OSBPL9: variants seen among roughly 807,000 people sequenced by gnomAD.
OSBPL9 encodes the protein oxysterol binding protein like 9.
Under a neutral mutation model 106.6 loss-of-function variants are expected in OSBPL9, and 40 were observed. That is an observed-to-expected ratio of 0.38 (90% CI 0.29 to 0.49). The LOEUF is 0.49. OSBPL9 is among the 20% of genes least tolerant of loss of function. The probability of loss-of-function intolerance (pLI) is 0.97; values close to 1 mark genes in which losing one functional copy is unlikely to be tolerated. For synonymous variants in OSBPL9, 269 were observed against 295.4 expected, an observed-to-expected ratio of 0.91 and a Z score of 0.92; for missense variants, 609 against 887.2, an observed-to-expected ratio of 0.69 and a Z score of 3.98.
intron 2 of OSBPL9, among the ~76,000 whole-genome samples, chr1:51,604,393 T>C (rs773876946): frequency 6.6e-6 from 1 of 151,844 alleles, no homozygotes; most frequent in South Asian, 2.1e-4. Context: ...CCGTCTCTAC[T>C]AAAAATACAA....
At position 51,787,507 on chromosome 1, in the gene OSBPL9, C is replaced by T; in HGVS notation, c.2136+19C>T. The T allele has an allele frequency of 6.2e-7, 1 of 1,613,654 alleles. No individual in the cohort carries two copies. Among genetic ancestry groups the T allele is most frequent in the South Asian group, 1.1e-5 (1 of 91,048 alleles). ...GACAAGGGTAAGCTTGCCTGCCCCA[C>T]CCTCCTAAGTGCTGTTCCTCCTAAT... is the stretch of plus-strand genomic sequence containing the variant. On this transcript the variant is annotated intron_variant, in intron 23 of 23. Coordinates refer to ENST00000428468, the MANE Select transcript of OSBPL9 (RefSeq NM_024586.6).
At chr1:51,575,827 T>C (rs1483512416), upstream of OSBPL9, among the ~76,000 whole-genome samples, 3 of 152,234 alleles carry the variant, frequency 2.0e-5, no homozygotes, top group African/African-American at 7.2e-5. Flanking sequence ...ATGAAAGATG[T>C]CTTCCCTATA....
At chr1:51,616,003 G>GTTTTTTTTTTTTT (rs764823727), upstream of OSBPL9, among the ~76,000 whole-genome samples, 5 of 104,510 alleles carry the variant, frequency 4.8e-5, no homozygotes, top group African/African-American at 1.8e-4. Context: ...AAATCCTTTG[G>GTTTTTTTTTTTTT]TTTTTTTTTT....
chr1:51,739,009 T>G (rs1042796610), intron 4 of OSBPL9, among the ~76,000 whole-genome samples: 42 of 151,948 alleles, frequency 2.8e-4, no homozygotes, highest in African/African-American at 9.4e-4. Flanking sequence ...GATGAGAAAA[T>G]GTAAGTGAAA....
Position 51,729,771 on chromosome 1 carries a change from G to T in OSBPL9, c.318+15692G>T. 8.3e-7 allele frequency: 1 copy of T among 1,209,870 alleles called. No homozygotes were observed. The highest frequency in any genetic ancestry group is 3.2e-5 in the East Asian group (1 of 31,496). The allele number at this position is 1,209,870 out of a possible 1,614,324, so 74.9% of individuals were successfully genotyped here. ...GGAGCCGCCAGGGCCAGCCAATCGG[G>T]GCGACCCCTCCGCCGGGGAGGGGAC... On this transcript the variant is annotated intron_variant, in intron 4 of 23. Coordinates refer to ENST00000428468, the MANE Select transcript of OSBPL9 (RefSeq NM_024586.6). The surrounding 1 kb of genome is among the most constrained non-coding windows in gnomAD (Gnocchi z 5.1).
intron 1 of OSBPL9, among the ~76,000 whole-genome samples, chr1:51,597,634 A>G (rs1196959190): frequency 6.6e-6 from 1 of 152,070 alleles, no homozygotes; most frequent in African/African-American, 2.4e-5. Context: ...GAGAGGAGCA[A>G]TTGGCCAAGA....
In OSBPL9 at chr1:51,695,517, C is replaced by T. The variant is rs532334634; in HGVS notation, c.242-18486C>T. On this transcript the variant is annotated intron_variant, in intron 3 of 23. Coordinates refer to ENST00000428468, the MANE Select transcript of OSBPL9 (RefSeq NM_024586.6). ...CCCTTTTGGACCCAAGTTTCCTGACCAGAGTTTCTGTCGTTCATTCTTTCT... is the reference window on the plus strand; with the variant it reads ...CCCTTTTGGACCCAAGTTTCCTGACTAGAGTTTCTGTCGTTCATTCTTTCT... 7.6e-4 allele frequency among the ~76,000 whole-genome samples: 116 copies of T among 152,226 alleles called. 1 individual carries two copies. Among genetic ancestry groups the T allele is most frequent in the African/African-American group, 2.7e-3 (114 of 41,544 alleles).
intron 9 of OSBPL9, 62 bp downstream of exon 9, chr1:51,756,420 T>C: frequency 2.0e-6 from 3 of 1,505,594 alleles, no homozygotes; most frequent in Non-Finnish European, 2.8e-6. Flanking sequence ...ACCAGTCATA[T>C]CAGGAGAAGC....
intron 6 of OSBPL9, among the ~76,000 whole-genome samples, chr1:51,747,057 C>A (rs920196944): frequency 6.6e-6 from 1 of 152,200 alleles, no homozygotes; most frequent in Admixed American, 6.5e-5. Flanking sequence ...GCAACCTCCA[C>A]CCTCTGGGTT....
intron 1 of OSBPL9, among the ~76,000 whole-genome samples, chr1:51,650,592 T>C (rs965063398): frequency 1.3e-5 from 2 of 152,232 alleles, no homozygotes; most frequent in Non-Finnish European, 2.9e-5. Context: ...ATACTCTGTT[T>C]AGTATCTCGG....
chr1:51,684,481 T>A (rs1213567609), intron 3 of OSBPL9, among the ~76,000 whole-genome samples: 1 of 152,246 alleles, frequency 6.6e-6, no homozygotes, highest in Non-Finnish European at 1.5e-5. Flanking sequence ...TAACATGTTA[T>A]ACATGATAAA....
the OSBPL9 span, among the ~76,000 whole-genome samples, chr1:51,531,593 A>T: frequency 6.6e-6 from 1 of 152,234 alleles, no homozygotes; most frequent in Non-Finnish European, 1.5e-5. Flanking sequence ...GATGAGTAAG[A>T]CTATGGAAGA....
chr1:51,641,860 T>A (rs1173607193), intron 1 of OSBPL9, among the ~76,000 whole-genome samples: 1 of 152,194 alleles, frequency 6.6e-6, no homozygotes, highest in African/African-American at 2.4e-5. Context: ...TCGAAGAGAA[T>A]CTAGATATCC....
chr1:51,714,842 G>T (rs1240382853), intron 4 of OSBPL9, among the ~76,000 whole-genome samples: 1 of 152,206 alleles, frequency 6.6e-6, no homozygotes, highest in Non-Finnish European at 1.5e-5. Context: ...CTACCCTGGA[G>T]CTGGGATGTT....
chr1:51,601,108 C>A (rs1238567547), intron 2 of OSBPL9, among the ~76,000 whole-genome samples: 1 of 152,190 alleles, frequency 6.6e-6, no homozygotes, highest in Non-Finnish European at 1.5e-5. Flanking sequence ...AGGATGTGTT[C>A]AAAACCATCA....
chr1:51,733,904 T>G (rs1665055033), intron 4 of OSBPL9, among the ~76,000 whole-genome samples: 1 of 152,136 alleles, frequency 6.6e-6, no homozygotes, highest in South Asian at 2.1e-4. Flanking sequence ...TCTGGAGTAT[T>G]GTTAGTATCA....
chr1:51,764,019 A>G (rs770269464), intron 11 of OSBPL9, among the ~76,000 whole-genome samples: 1 of 152,212 alleles, frequency 6.6e-6, no homozygotes, highest in Non-Finnish European at 1.5e-5. Flanking sequence ...TATTTCAAAA[A>G]TCTAACACTT....
chr1:51,530,170 C>CAAAAAAAAAAAAA, the OSBPL9 span, among the ~76,000 whole-genome samples: 64 of 10,750 alleles, frequency 6.0e-3, no homozygotes, highest in Non-Finnish European at 8.4e-3. Context: ...GACTCTGTCT[C>CAAAAAAAAAAAAA]AAAAAAAAAA....
At chr1:51,521,276 G>A in the OSBPL9 span, among the ~76,000 whole-genome samples, 1 of 152,222 alleles carries the variant, frequency 6.6e-6, no homozygotes, top group Admixed American at 6.5e-5. Flanking sequence ...GCCTAAACTT[G>A]TAGCTACACA....
Sources: allele counts gnomAD v4.1 joint callset (sites outside exome capture counted in the v4.1 genomes callset), GRCh38; gene constraint gnomAD v4.1.1; non-coding constraint Gnocchi (gnomAD v3.1); transcripts MANE v1.5; gene names NCBI Gene and HGNC (gene_info 2026-07-23, HGNC 2026-07-21).